FNBP1: variants seen among roughly 807,000 people sequenced by gnomAD.
The protein encoded by FNBP1 is formin binding protein 1.
A neutral mutation model predicts 90.6 loss-of-function variants in FNBP1; 26 were observed. That is an observed-to-expected ratio of 0.29 (90% CI 0.21 to 0.40). FNBP1 has a LOEUF of 0.40. FNBP1 is among the 10% of genes least tolerant of loss of function. The pLI is 1.00. For missense variants in FNBP1, 635 were observed against 768.0 expected (o/e 0.83, Z 2.05); for synonymous variants, 260 against 265.2 (o/e 0.98, Z 0.19).
chr9:129,953,494 A>T lies in FNBP1; in HGVS notation c.513+3866T>A, dbSNP rs565698428. Among the ~76,000 whole-genome samples, 11 of 152,054 alleles carry T rather than the reference A, an allele frequency of 7.2e-5. 1 individual carries two copies. Among genetic ancestry groups the T allele is most frequent in the Admixed American group, 2.0e-4 (3 of 15,224 alleles). On this transcript the variant is annotated intron_variant, in intron 6 of 16. Transcript: ENST00000446176. ...GACAGAATGAGACTACGTCTCAGAA[A>T]AAATAAATAAATAAATAAATAAATA...
At position 129,994,980 on chromosome 9, in the gene FNBP1, G is replaced by T. The variant is rs1267577680; in HGVS notation, c.25-22C>A. On this transcript the variant is annotated intron_variant, in intron 1 of 16. Transcript: ENST00000446176. ...GATCCTGTTGAAACAAACCAAGAGA[G>T]AAGTTATGGTCTTTCCCTGTGATTA... 3 of 1,095,946 alleles carry T rather than the reference G, an allele frequency of 2.7e-6. No homozygotes were observed. The Admixed American group carries it at 5.3e-5, about 19-fold the overall frequency. 67.9% of individuals were successfully genotyped at this position (1,095,946 alleles called of 1,614,324 possible).
At chr9:129,958,215 T>C (rs1054264504) in intron 5 of FNBP1, among the ~76,000 whole-genome samples, 1 of 152,062 alleles carries the variant, frequency 6.6e-6, no homozygotes, top group Admixed American at 6.6e-5. Context: ...GCGAATCACT[T>C]CAGGGCAGGA....
chr9:130,043,389 C>G (rs1677339366), upstream of FNBP1, among the ~76,000 whole-genome samples: 1 of 152,140 alleles, frequency 6.6e-6, no homozygotes, highest in Admixed American at 6.5e-5. Context: ...CGGCGGGACC[C>G]GGATCCCTAG....
At chr9:129,990,447 G>A (rs948111215) in intron 2 of FNBP1, among the ~76,000 whole-genome samples, 5 of 152,118 alleles carry the variant, frequency 3.3e-5, no homozygotes, top group Non-Finnish European at 7.3e-5. Context: ...AAGGGCTAGC[G>A]CAATAGCTCT....
intron 6 of FNBP1, among the ~76,000 whole-genome samples, chr9:129,954,805 T>C (rs2046668675): frequency 1.3e-5 from 2 of 152,170 alleles, no homozygotes; most frequent in African/African-American, 2.4e-5. Context: ...GAGACCAGCC[T>C]GGCCAACGTG....
intron 6 of FNBP1, among the ~76,000 whole-genome samples, chr9:129,943,845 T>G (rs2044731826): frequency 6.6e-6 from 1 of 151,510 alleles, no homozygotes; most frequent in African/African-American, 2.4e-5. Context: ...ACAAAAAAAT[T>G]AGCCGGGCGT....
At chr9:130,053,663 T>C in the FNBP1 span, 8 of 515,066 alleles carry the variant, frequency 1.6e-5, no homozygotes, top group Admixed American at 2.5e-4. Flanking sequence ...CGGCCCGGGC[T>C]GGTCTGGTTC....
chr9:129,979,269 C>T, intron 3 of FNBP1, 49 bp downstream of exon 3: 2 of 1,068,630 alleles, frequency 1.9e-6, no homozygotes, highest in African/African-American at 1.6e-5. Context: ...CGTGTGTAGT[C>T]ATCAATGGCA....
Position 129,887,551 on chromosome 9 carries a change from G to C in FNBP1, c.*2988C>G. 4.7e-6 allele frequency: 1 copy of C among 211,238 alleles called. No homozygotes were observed. 13.1% of individuals were successfully genotyped at this position (211,238 alleles called of 1,614,324 possible). On this transcript the variant is annotated 3_prime_UTR_variant, in exon 17 of 17. Transcript: ENST00000446176. ...TTTGACGTCGTGTAAACTTTCTTCT[G>C]CAATGACGGATGTTACCAAAAGGCA...
chr9:129,995,371 G>A (rs550037460), intron 1 of FNBP1, among the ~76,000 whole-genome samples: 1 of 152,090 alleles, frequency 6.6e-6, no homozygotes, highest in Non-Finnish European at 1.5e-5. Context: ...GAGGAACGGG[G>A]GGAAGTGTTA....
At chr9:129,989,152 G>GT (rs2052730895) in intron 2 of FNBP1, among the ~76,000 whole-genome samples, 1 of 152,132 alleles carries the variant, frequency 6.6e-6, no homozygotes, top group Non-Finnish European at 1.5e-5. Context: ...GCCTAGCTCA[G>GT]TAACCACCCC....
At chr9:129,907,069 C>T (rs1035653746) in intron 12 of FNBP1, among the ~76,000 whole-genome samples, 6 of 147,472 alleles carry the variant, frequency 4.1e-5, no homozygotes, top group African/African-American at 7.5e-5. Context: ...TGAGCCACTG[C>T]GCCTGGCCCA....
rs775380196 is a variant in FNBP1, at chr9:129,978,575, C to T, written c.235G>A (p.Glu79Lys). Residue 79 changes from glutamate to lysine, a missense_variant, in exon 4 of 17, where the codon GAA (glutamate) becomes AAA (lysine). Glu to Lys is a moderately conservative substitution (Grantham distance 56). Transcript: ENST00000446176. ...SCKAFISNLNEMNDYAGQHEV... is the reference protein window; with the variant it reads ...SCKAFISNLNKMNDYAGQHEV... ...TGCTGCCCTGCGTAATCATTCATTT[C>T]GTTCAGGTTGGAAATGAAAGCTTTA... is the stretch of plus-strand genomic sequence containing the variant. 4 of 1,613,690 alleles carry T rather than the reference C, an allele frequency of 2.5e-6. No homozygotes were observed. Among genetic ancestry groups the T allele is most frequent in the Non-Finnish European group, 3.4e-6 (4 of 1,179,852 alleles).
At chr9:129,927,988 C>T (rs2042170385) in intron 7 of FNBP1, among the ~76,000 whole-genome samples, 1 of 151,682 alleles carries the variant, frequency 6.6e-6, no homozygotes, top group Non-Finnish European at 1.5e-5. Flanking sequence ...TAATCTACTA[C>T]TTTACCTTTT....
At chr9:129,899,887 A>G in intron 15 of FNBP1, 78 bp downstream of exon 15, 1 of 1,289,484 alleles carries the variant, frequency 7.8e-7, no homozygotes, top group Non-Finnish European at 1.0e-6. Context: ...GGAAGGAAGG[A>G]AGGAAAAGTG....
chr9:130,015,732 T>C (rs1044019701), intron 1 of FNBP1, among the ~76,000 whole-genome samples: 4 of 152,228 alleles, frequency 2.6e-5, no homozygotes, highest in Non-Finnish European at 5.9e-5. Context: ...TGGAATGCAT[T>C]GGCACAATTT....
In FNBP1 at chr9:129,948,771, C is replaced by T. The variant is rs553352873; in HGVS notation, c.513+8589G>A. Among the ~76,000 whole-genome samples the T allele has an allele frequency of 2.9e-3, 441 of 152,120 alleles. 1 individual carries two copies. The highest frequency in any genetic ancestry group is 0.01 in the African/African-American group (428 of 41,490). ...TGGCCAGCTGGTCTTGAACTCCTGA[C>T]CTCAAGTGATCCGCCAGCCTCAGCC... On this transcript the variant is annotated intron_variant, in intron 6 of 16. Coordinates refer to ENST00000446176, the MANE Select transcript of FNBP1 (RefSeq NM_015033.3).
At chr9:129,954,812 C>T (rs2046669699) in intron 6 of FNBP1, among the ~76,000 whole-genome samples, 1 of 152,056 alleles carries the variant, frequency 6.6e-6, no homozygotes, top group Non-Finnish European at 1.5e-5. Flanking sequence ...GCCTGGCCAA[C>T]GTGGTGAAAC....
the FNBP1 span, among the ~76,000 whole-genome samples, chr9:130,052,867 C>A: frequency 6.6e-6 from 1 of 152,036 alleles, no homozygotes; most frequent in Non-Finnish European, 1.5e-5. Context: ...GTAATCCCAG[C>A]ACTTTGGGAG....
Sources: allele counts gnomAD v4.1 joint callset (sites outside exome capture counted in the v4.1 genomes callset), GRCh38; gene constraint gnomAD v4.1.1; transcripts MANE v1.5; gene names NCBI Gene and HGNC (gene_info 2026-07-23, HGNC 2026-07-21).